LHX4: variants seen among roughly 807,000 people sequenced by gnomAD.
LHX4 encodes LIM/homeobox protein Lhx4.
LHX4 carries 16 observed loss-of-function variants against 39.2 expected under a neutral mutation model. That is an observed-to-expected ratio of 0.41 (90% confidence interval 0.28 to 0.62). LHX4 has a LOEUF of 0.62. Ranked by LOEUF, LHX4 falls within the 20% of genes least tolerant of loss-of-function variation. The pLI is 0.33. For missense variants in LHX4, 439 were observed against 511.9 expected, an observed-to-expected ratio of 0.86 and a Z score of 1.37; for synonymous variants, 206 against 198.1, an observed-to-expected ratio of 1.04 and a Z score of -0.33.
At chr1:180,261,053 G>C (rs74933329) in intron 2 of LHX4, among the ~76,000 whole-genome samples, 1,662 of 152,020 alleles carry the variant, frequency 0.011, 20 homozygotes, top group Middle Eastern at 0.041. Context: ...TTGTGGTTTA[G>C]TAAACCATGG....
At chr1:180,229,879 C>G (rs1038436251), upstream of LHX4, among the ~76,000 whole-genome samples, 30 of 151,162 alleles carry the variant, frequency 2.0e-4, no homozygotes, top group Non-Finnish European at 3.5e-4. Context: ...CTCCGACCAC[C>G]TGCTGCCGCG....
chr1:180,241,405 T>A (rs1038992586), intron 1 of LHX4, among the ~76,000 whole-genome samples: 1 of 152,124 alleles, frequency 6.6e-6, no homozygotes, highest in Non-Finnish European at 1.5e-5. Context: ...TAATGAAGCA[T>A]GAAGTAATTT....
At chr1:180,251,680 G>A (rs1647634844) in intron 2 of LHX4, among the ~76,000 whole-genome samples, 2 of 152,172 alleles carry the variant, frequency 1.3e-5, no homozygotes, top group African/African-American at 4.8e-5. Context: ...GCTGCAAGGC[G>A]TCTTTGAGTG....
upstream of LHX4, among the ~76,000 whole-genome samples, chr1:180,229,370 GA>G (rs1420032714): frequency 6.6e-6 from 1 of 152,126 alleles, no homozygotes; most frequent in Non-Finnish European, 1.5e-5. Context: ...CTACCCTGCG[GA>G]ACTGGAGGCA....
At chr1:180,240,083 A>C (rs1227654231) in intron 1 of LHX4, among the ~76,000 whole-genome samples, 4 of 152,218 alleles carry the variant, frequency 2.6e-5, no homozygotes, top group African/African-American at 4.8e-5. Context: ...GTTAAAAAGC[A>C]AAGGGAGTTA....
chr1:180,248,409 G>A lies in LHX4; in HGVS notation c.201G>A (p.Arg67=). ...CADCQMQLAD[R]CFSRAGSVYC... ...ACTGCCAGATGCAGCTGGCGGACAGGTGCTTCTCCAGGGCTGGGAGCGTCT... is the reference window on the plus strand; with the variant it reads ...ACTGCCAGATGCAGCTGGCGGACAGATGCTTCTCCAGGGCTGGGAGCGTCT... Residue 67 remains arginine, a synonymous_variant, in exon 2 of 6, where the codon AGG becomes AGA. Transcript: ENST00000263726. 1 of 1,614,240 alleles carries A rather than the reference G, an allele frequency of 6.2e-7. No individual in the cohort carries two copies. The highest frequency in any genetic ancestry group is 1.1e-5 in the South Asian group (1 of 91,090).
In LHX4 at chr1:180,232,317, G is replaced by T. The variant is rs926224284; in HGVS notation, c.76+1712G>T. On this transcript the variant is annotated intron_variant, in intron 1 of 5. Transcript: ENST00000263726. The surrounding 1 kb of genome is among the most constrained non-coding windows in gnomAD (Gnocchi z 5.4). ...GTTGGGACCCCAATGAAGGACGATGGTCTCTGCTCTGACGGCCTTTCTTGT... is the reference window on the plus strand; with the variant it reads ...GTTGGGACCCCAATGAAGGACGATGTTCTCTGCTCTGACGGCCTTTCTTGT... Among the ~76,000 whole-genome samples, 1 of 152,220 alleles carries T rather than the reference G, an allele frequency of 6.6e-6. No individual in the cohort carries two copies. Among genetic ancestry groups the T allele is most frequent in the Non-Finnish European group, 1.5e-5 (1 of 68,048 alleles).
chr1:180,255,363 C>T lies in LHX4; in HGVS notation c.248+6907C>T, dbSNP rs181905959. 3.3e-3 allele frequency among the ~76,000 whole-genome samples: 502 copies of T among 152,206 alleles called. 2 individuals are homozygous for T. Among genetic ancestry groups the T allele is most frequent in the Middle Eastern group, 0.01 (3 of 294 alleles). On this transcript the variant is annotated intron_variant, in intron 2 of 5. Coordinates refer to ENST00000263726, the MANE Select transcript of LHX4 (RefSeq NM_033343.4). ...GCACACATGCACACACATGTATACA[C>T]GCACACACACATGCATACACACACG... is the stretch of plus-strand genomic sequence containing the variant.
chr1:180,269,136 T>G (rs1648469296), intron 3 of LHX4, among the ~76,000 whole-genome samples: 1 of 12,910 alleles, frequency 7.7e-5, no homozygotes, highest in African/African-American at 6.2e-4. Context: ...TAATGTAGAG[T>G]GTGTGGGGGG....
chr1:180,240,467 A>G (rs1664421200), intron 1 of LHX4, among the ~76,000 whole-genome samples: 1 of 152,212 alleles, frequency 6.6e-6, no homozygotes, highest in South Asian at 2.1e-4. Flanking sequence ...TTTAGAAGTC[A>G]TTGTCGGATA....
At chr1:180,259,753 C>T (rs984797566) in intron 2 of LHX4, among the ~76,000 whole-genome samples, 2 of 151,672 alleles carry the variant, frequency 1.3e-5, no homozygotes, top group Non-Finnish European at 2.9e-5. Flanking sequence ...CAGGTGGGAT[C>T]GCCCTGGGGT....
At chr1:180,248,263 C>T (rs781719796) in intron 1 of LHX4, 22 bp from the exon 2 acceptor site, 1 of 1,612,798 alleles carries the variant, frequency 6.2e-7, no homozygotes, top group Non-Finnish European at 8.5e-7. Context: ...CTCACAGTGC[C>T]TCTCTCTCCT....
At chr1:180,240,957 C>T (rs977689155) in intron 1 of LHX4, among the ~76,000 whole-genome samples, 26 of 152,100 alleles carry the variant, frequency 1.7e-4, no homozygotes, top group Admixed American at 3.3e-4. Flanking sequence ...TTATGGCTAC[C>T]GGGGAAGGGT....
At chr1:180,257,312 G>A (rs928510610) in intron 2 of LHX4, among the ~76,000 whole-genome samples, 9 of 152,182 alleles carry the variant, frequency 5.9e-5, no homozygotes, top group Non-Finnish European at 1.2e-4. Flanking sequence ...TGATAATATC[G>A]AATATTCTTT....
At chr1:180,246,690 G>A (rs1647395862) in intron 1 of LHX4, among the ~76,000 whole-genome samples, 1 of 152,196 alleles carries the variant, frequency 6.6e-6, no homozygotes, top group African/African-American at 2.4e-5. Context: ...CAGGCTGGAT[G>A]ACAGAGCAAG....
chr1:180,266,749 TGA>T lies in LHX4; in HGVS notation c.451+159_451+160del, dbSNP rs1397500749. ...TGAGAAGCGTCCCAGATCTCCACAC[TGA>T]GAGTAAATGCTGAACACCTCCCCGG... On this transcript the variant is annotated intron_variant, in intron 3 of 5. Coordinates refer to ENST00000263726, the MANE Select transcript of LHX4 (RefSeq NM_033343.4). This position sits in a 1 kb window ranked among gnomAD's most constrained non-coding sequence, Gnocchi z 5.7. Among the ~76,000 whole-genome samples the T allele has an allele frequency of 6.6e-6, 1 of 152,100 alleles. No homozygotes were observed. Among genetic ancestry groups the T allele is most frequent in the African/African-American group, 2.4e-5 (1 of 41,402 alleles).
chr1:180,239,572 C>T (rs1018391756), intron 1 of LHX4, among the ~76,000 whole-genome samples: 1 of 152,162 alleles, frequency 6.6e-6, no homozygotes, highest in African/African-American at 2.4e-5. Context: ...AGGGAAATCA[C>T]CAGCAAAAAG....
intron 2 of LHX4, among the ~76,000 whole-genome samples, chr1:180,259,338 T>C (rs1648005883): frequency 6.6e-6 from 1 of 151,724 alleles, no homozygotes; most frequent in African/African-American, 2.4e-5. Context: ...TGTACATGGA[T>C]GGAAGGAGCC....
chr1:180,255,416 A>C (rs892589274), intron 2 of LHX4, among the ~76,000 whole-genome samples: 3 of 152,268 alleles, frequency 2.0e-5, no homozygotes, highest in Non-Finnish European at 2.9e-5. Flanking sequence ...ACATGCACAC[A>C]CACAGTGCTC....
Sources: allele counts gnomAD v4.1 joint callset (sites outside exome capture counted in the v4.1 genomes callset), GRCh38; gene constraint gnomAD v4.1.1; non-coding constraint Gnocchi (gnomAD v3.1); transcripts MANE v1.5; gene names NCBI Gene and HGNC (gene_info 2026-07-23, HGNC 2026-07-21).